LTBP1: variants seen among roughly 807,000 people sequenced by gnomAD.
LTBP1 encodes latent-transforming growth factor beta-binding protein 1.
LTBP1 carries 129 observed loss-of-function variants against 207.6 expected under a neutral mutation model. That is an observed-to-expected ratio of 0.62 (90% CI 0.54 to 0.72). The LOEUF (loss-of-function observed/expected upper bound fraction) is 0.72. Among genes scored for constraint, LTBP1 ranks in the 30% least tolerant of loss-of-function variants. The pLI is 0.00. For missense variants in LTBP1, 2,281 were observed against 2,217.2 expected (o/e 1.03, Z -0.58); for synonymous variants, 963 against 833.7 (o/e 1.16, Z -2.67).
chr2:33,043,481 A>T (rs1468108342), intron 3 of LTBP1, among the ~76,000 whole-genome samples: 1 of 152,194 alleles, frequency 6.6e-6, no homozygotes, highest in Non-Finnish European at 1.5e-5. Context: ...AAGACAGTAG[A>T]GTGTAAGCTA....
intron 3 of LTBP1, among the ~76,000 whole-genome samples, chr2:33,087,684 T>G (rs1476650589): frequency 2.0e-5 from 3 of 152,208 alleles, no homozygotes; most frequent in African/African-American, 7.2e-5. Flanking sequence ...TCAAACCATC[T>G]TTCAGAAAGC....
intron 7 of LTBP1, among the ~76,000 whole-genome samples, chr2:33,208,681 C>G (rs150919474): frequency 0.017 from 2,552 of 152,130 alleles, 26 homozygotes; most frequent in Non-Finnish European, 0.023. Flanking sequence ...TCAGCCCTGC[C>G]CTGGAGCTTT....
At chr2:33,233,153 G>A (rs2091881097) in intron 9 of LTBP1, among the ~76,000 whole-genome samples, 1 of 152,040 alleles carries the variant, frequency 6.6e-6, no homozygotes, top group African/African-American at 2.4e-5. Context: ...ATGCTTTTCT[G>A]CTGAAACTCT....
intron 20 of LTBP1, among the ~76,000 whole-genome samples, chr2:33,294,824 G>A (rs1433872105): frequency 1.3e-5 from 2 of 150,894 alleles, no homozygotes; most frequent in Non-Finnish European, 3.0e-5. Flanking sequence ...TGATCCACCT[G>A]CCTCAGCCTC....
intron 15 of LTBP1, among the ~76,000 whole-genome samples, chr2:33,264,173 G>A (rs950312312): frequency 2.0e-5 from 3 of 148,428 alleles, no homozygotes; most frequent in African/African-American, 7.5e-5. Context: ...GGAGAATGGC[G>A]TGAACTCAGG....
rs545307702 is a variant in LTBP1 at position 33,102,390 on chromosome 2, A to G, written c.864-8192A>G. Among the ~76,000 whole-genome samples the G allele has an allele frequency of 1.9e-3, 296 of 152,298 alleles. 1 individual carries two copies. The highest frequency in any genetic ancestry group is 3.7e-3 in the Non-Finnish European group (254 of 68,020). ...TTGACACTTAAAAATGTCTCCAGAC[A>G]TTGCCAAGTGTCCCTGAGAAGCAAA... On this transcript the variant is annotated intron_variant, in intron 3 of 33. Transcript: ENST00000404816.
chr2:33,336,400 T>C (rs1396103725), intron 24 of LTBP1, among the ~76,000 whole-genome samples: 1 of 152,188 alleles, frequency 6.6e-6, no homozygotes, highest in Non-Finnish European at 1.5e-5. Flanking sequence ...CTCTGCCAGC[T>C]CTCCCGCTAA....
intron 9 of LTBP1, among the ~76,000 whole-genome samples, chr2:33,238,711 G>C (rs2092170953): frequency 6.6e-6 from 1 of 152,114 alleles, no homozygotes; most frequent in African/African-American, 2.4e-5. Context: ...ATCCTTTTTA[G>C]AAATATGGCC....
At position 33,365,344 on chromosome 2, in the gene LTBP1, G is replaced by A. The variant is rs750578348; in HGVS notation, c.4552G>A (p.Glu1518Lys). Residue 1518 changes from glutamate to lysine, a missense_variant, in exon 31 of 34, where the codon GAA (glutamate) becomes AAA (lysine). Glu to Lys is a moderately conservative substitution (Grantham distance 56). Transcript: ENST00000404816. ...RPAESNEQIE[E>K]TDVYQDLCWE... ...GTCTTCCCTTTCAGAACAAATAGAA[G>A]AAACTGATGTCTACCAAGATTTGTG... 1 of 1,614,014 alleles carries A rather than the reference G, an allele frequency of 6.2e-7. No homozygotes were observed. Among genetic ancestry groups the A allele is most frequent in the Non-Finnish European group, 8.5e-7 (1 of 1,180,008 alleles).
chr2:33,069,252 G>C (rs1007264296), intron 3 of LTBP1, among the ~76,000 whole-genome samples: 5 of 152,016 alleles, frequency 3.3e-5, no homozygotes, highest in African/African-American at 9.7e-5. Context: ...GGAGAAAGAT[G>C]CCCCTGGCTC....
chr2:33,016,814 G>A (rs1292325047), intron 2 of LTBP1, among the ~76,000 whole-genome samples: 1 of 152,232 alleles, frequency 6.6e-6, no homozygotes, highest in African/African-American at 2.4e-5. Context: ...CCTGAGGTCA[G>A]GAGTTCAAGG....
intron 2 of LTBP1, among the ~76,000 whole-genome samples, chr2:32,957,193 C>A (rs1363484502): frequency 6.6e-6 from 1 of 152,238 alleles, no homozygotes; most frequent in Non-Finnish European, 1.5e-5. Context: ...TCAGCCCATC[C>A]TTTGAAACAT....
chr2:33,085,716 G>C (rs1190602297), intron 3 of LTBP1, among the ~76,000 whole-genome samples: 1 of 152,174 alleles, frequency 6.6e-6, no homozygotes, highest in Non-Finnish European at 1.5e-5. Context: ...TAAGAGGCAG[G>C]GGGGCCAGGA....
intron 20 of LTBP1, among the ~76,000 whole-genome samples, chr2:33,298,474 C>G (rs1262705408): frequency 6.6e-6 from 1 of 152,202 alleles, no homozygotes; most frequent in Non-Finnish European, 1.5e-5. Context: ...TTCCAAAGCA[C>G]TAAAAATGTT....
chr2:33,247,872 T>C (rs1186508149), intron 10 of LTBP1, among the ~76,000 whole-genome samples: 1 of 152,290 alleles, frequency 6.6e-6, no homozygotes, highest in Non-Finnish European at 1.5e-5. Flanking sequence ...TAATTACTGC[T>C]AGCTTTCCAG....
At chr2:33,178,830 A>G (rs999586949) in intron 5 of LTBP1, among the ~76,000 whole-genome samples, 2 of 152,122 alleles carry the variant, frequency 1.3e-5, no homozygotes, top group Admixed American at 1.3e-4. Context: ...CCTTGTAATG[A>G]TGTCTGTCCA....
At chr2:33,071,112 G>C (rs1199498419) in intron 3 of LTBP1, among the ~76,000 whole-genome samples, 1 of 152,192 alleles carries the variant, frequency 6.6e-6, no homozygotes, top group Non-Finnish European at 1.5e-5. Flanking sequence ...TTTATGGCCA[G>C]GGTTGAGGGC....
At chr2:33,265,614 A>G in intron 15 of LTBP1, among the ~76,000 whole-genome samples, 1 of 152,358 alleles carries the variant, frequency 6.6e-6, no homozygotes, top group Admixed American at 6.5e-5. Context: ...TGAATGATAT[A>G]GAGTATTATA....
At chr2:33,275,588 G>A (rs1434118976) in intron 17 of LTBP1, among the ~76,000 whole-genome samples, 2 of 152,038 alleles carry the variant, frequency 1.3e-5, no homozygotes, top group African/African-American at 4.8e-5. Flanking sequence ...GGAGGCTGAG[G>A]CAGGAGAATT....
Sources: allele counts gnomAD v4.1 joint callset (sites outside exome capture counted in the v4.1 genomes callset), GRCh38; gene constraint gnomAD v4.1.1; transcripts MANE v1.5; gene names NCBI Gene and HGNC (gene_info 2026-07-23, HGNC 2026-07-21).